ENOX1: variants seen among roughly 807,000 people sequenced by gnomAD.
ENOX1 encodes the protein ecto-NOX disulfide-thiol exchanger 1, also known as candidate growth-related and time keeping constitutive hydroquinone (NADH) oxidase.
In ENOX1, 42 loss-of-function variants were observed where a neutral mutation model predicts 82.5. The observed-to-expected ratio is 0.51, with a 90% CI of 0.40 to 0.66. The LOEUF (loss-of-function observed/expected upper bound fraction) is 0.66. Ranked by LOEUF, ENOX1 falls within the 30% of genes least tolerant of loss-of-function variation. The pLI, the probability that ENOX1 is intolerant of heterozygous loss-of-function variation, is 0.00. For missense variants in ENOX1, 608 were observed against 811.6 expected, an observed-to-expected ratio of 0.75 and a Z score of 3.05; for synonymous variants, 271 against 282.2, an observed-to-expected ratio of 0.96 and a Z score of 0.40.
At chr13:43,483,692 T>C (rs748404360) in intron 3 of ENOX1, among the ~76,000 whole-genome samples, 11 of 152,196 alleles carry the variant, frequency 7.2e-5, no homozygotes, top group Middle Eastern at 3.2e-3. Flanking sequence ...AAATCTGATA[T>C]ATGTAGATGC....
intron 16 of ENOX1, among the ~76,000 whole-genome samples, chr13:43,223,742 G>A: frequency 6.6e-6 from 1 of 152,138 alleles, no homozygotes; most frequent in Non-Finnish European, 1.5e-5. Context: ...ACACTCACCT[G>A]ATTTCACCCT....
chr13:43,478,705 G>C (rs933934590), intron 3 of ENOX1, among the ~76,000 whole-genome samples: 5 of 152,054 alleles, frequency 3.3e-5, no homozygotes, highest in Admixed American at 3.3e-4. Context: ...TGTGTATTTT[G>C]TGGAAGCTGA....
intron 2 of ENOX1, among the ~76,000 whole-genome samples, chr13:43,596,150 T>C (rs576898000): frequency 6.6e-6 from 1 of 152,334 alleles, no homozygotes; most frequent in South Asian, 2.1e-4. Flanking sequence ...AAAAATGACA[T>C]TATACATTCA....
At position 43,292,687 on chromosome 13, in the gene ENOX1, C is replaced by A. The variant is rs533618598; in HGVS notation, c.1446+5659G>T. Among the ~76,000 whole-genome samples the A allele has an allele frequency of 6.8e-4, 104 of 152,172 alleles. 2 individuals carry two copies. Among genetic ancestry groups the A allele is most frequent in the African/African-American group, 2.4e-3 (100 of 41,508 alleles). ...ATTTTATCTCTTTCCCTAAAGCTTT[C>A]TAATCATTAAAAGCACCAATAATGC... On this transcript the variant is annotated intron_variant, in intron 12 of 16. Coordinates refer to ENST00000690772, the MANE Select transcript of ENOX1 (RefSeq NM_001347969.2).
chr13:43,512,761 T>C (rs1399589660), intron 2 of ENOX1, among the ~76,000 whole-genome samples: 1 of 152,094 alleles, frequency 6.6e-6, no homozygotes, highest in African/African-American at 2.4e-5. Context: ...AATAAACCTG[T>C]ATTTATTGAG....
intron 5 of ENOX1, among the ~76,000 whole-genome samples, chr13:43,409,909 A>G (rs548548770): frequency 6.6e-6 from 1 of 152,326 alleles, no homozygotes; most frequent in African/African-American, 2.4e-5. Context: ...GAACAAAGCA[A>G]AGTGCAGTTA....
intron 3 of ENOX1, among the ~76,000 whole-genome samples, chr13:43,471,211 G>T (rs1419004545): frequency 6.6e-6 from 1 of 152,040 alleles, no homozygotes; most frequent in East Asian, 1.9e-4. Flanking sequence ...AAAGGAGCCT[G>T]ACACGAAAGA....
At chr13:43,632,277 T>C (rs985164682) in intron 2 of ENOX1, among the ~76,000 whole-genome samples, 5 of 152,106 alleles carry the variant, frequency 3.3e-5, no homozygotes, top group African/African-American at 1.2e-4. Context: ...TTTAGTACAT[T>C]ATATAATGTT....
At chr13:43,657,053 T>C (rs997596235) in intron 2 of ENOX1, among the ~76,000 whole-genome samples, 3 of 152,232 alleles carry the variant, frequency 2.0e-5, no homozygotes, top group African/African-American at 7.2e-5. Flanking sequence ...ACAAACTAAA[T>C]AGCCTCTGCA....
At position 43,500,016 on chromosome 13, in the gene ENOX1, C is replaced by T. The variant is rs199935737; in HGVS notation, c.-218-15864G>A. Among the ~76,000 whole-genome samples, 15 of 151,840 alleles carry T rather than the reference C, an allele frequency of 9.9e-5. No homozygotes were observed. The East Asian group carries it at 1.4e-3, about 14-fold the overall frequency. On this transcript the variant is annotated intron_variant, in intron 2 of 16. Transcript: ENST00000690772. ...GAATAAACTCAAGGATATGTCATTT[C>T]GAATTATTAAAGAAGAAAGAAAAGT...
At chr13:43,490,063 T>C (rs1466545389) in intron 2 of ENOX1, among the ~76,000 whole-genome samples, 1 of 152,062 alleles carries the variant, frequency 6.6e-6, no homozygotes, top group Non-Finnish European at 1.5e-5. Flanking sequence ...CTCATCCTCC[T>C]GAGTAGCTGA....
chr13:43,355,824 G>T, intron 8 of ENOX1, 95 bp downstream of exon 8: 1 of 1,209,098 alleles, frequency 8.3e-7, no homozygotes, highest in South Asian at 1.4e-5. Context: ...CAGACATTGT[G>T]CTGAAGGGAC....
At chr13:43,666,104 A>G (rs2084964102) in intron 2 of ENOX1, among the ~76,000 whole-genome samples, 1 of 152,038 alleles carries the variant, frequency 6.6e-6, no homozygotes, top group Non-Finnish European at 1.5e-5. Context: ...TAATTTAGAA[A>G]TCCTTTATTG....
chr13:43,547,711 T>C (rs1487066802), intron 2 of ENOX1: 3 of 152,200 alleles, frequency 2.0e-5, no homozygotes, highest in Admixed American at 1.3e-4. Flanking sequence ...TGACCAGATA[T>C]TATAAAACCG....
chr13:43,345,037 C>A (rs985492264), intron 8 of ENOX1, among the ~76,000 whole-genome samples: 1 of 152,170 alleles, frequency 6.6e-6, no homozygotes, highest in Admixed American at 6.5e-5. Context: ...TAAGGTACAG[C>A]CTCATTCTTC....
intron 3 of ENOX1, chr13:43,458,789 C>T (rs191101647): frequency 1.4e-4 from 22 of 152,216 alleles, no homozygotes; most frequent in African/African-American, 4.8e-4. Flanking sequence ...ACACCTCGAT[C>T]GTCTCACACC....
chr13:43,343,858 TA>T (rs941304711), intron 9 of ENOX1, among the ~76,000 whole-genome samples: 39 of 151,922 alleles, frequency 2.6e-4, no homozygotes, highest in East Asian at 1.2e-3. Context: ...AGAGTGCCCA[TA>T]AAAAAAATAT....
chr13:43,267,116 C>T (rs769257345), intron 13 of ENOX1, among the ~76,000 whole-genome samples: 10 of 152,322 alleles, frequency 6.6e-5, no homozygotes, highest in Middle Eastern at 3.4e-3. Context: ...AACCCCTCCC[C>T]GCTGCAGCCC....
intron 15 of ENOX1, 69 bp from the exon 16 acceptor site, chr13:43,224,207 T>C: frequency 7.9e-7 from 1 of 1,273,164 alleles, no homozygotes; most frequent in African/African-American, 1.5e-5. Flanking sequence ...AATAATGCTG[T>C]CTAATCCCAG....
Sources: gnomAD v4.1 joint callset for allele counts (sites outside exome capture counted in the v4.1 genomes callset) on GRCh38, gnomAD v4.1.1 for gene constraint, MANE v1.5 for transcripts, NCBI Gene and HGNC (gene_info 2026-07-23, HGNC 2026-07-21) for gene names.